ANKRD30A: variants seen among roughly 807,000 people sequenced by gnomAD.
ANKRD30A encodes the protein ankyrin repeat domain-containing protein 30A.
In ANKRD30A, 170 loss-of-function variants were observed where a neutral mutation model predicts 166.3. That is an observed-to-expected ratio of 1.02 (90% CI 0.90 to 1.16). The LOEUF is 1.16. Ranked by LOEUF, ANKRD30A falls within the 50% of genes most tolerant of loss-of-function variation. The probability of loss-of-function intolerance (pLI) is 0.00; values close to 1 mark genes in which losing one functional copy is unlikely to be tolerated. For synonymous variants in ANKRD30A, 564 were observed against 508.9 expected, an observed-to-expected ratio of 1.11 and a Z score of -1.46; for missense variants, 1,630 against 1,518.0, an observed-to-expected ratio of 1.07 and a Z score of -1.23.
chr10:37,238,987 G>C, the ANKRD30A span, among the ~76,000 whole-genome samples: 1 of 152,018 alleles, frequency 6.6e-6, no homozygotes, highest in Non-Finnish European at 1.5e-5. Flanking sequence ...AATGGTGAAG[G>C]CTTTAAGTAT....
intron 5 of ANKRD30A, among the ~76,000 whole-genome samples, chr10:37,135,949 C>T (rs1417967444): frequency 6.6e-6 from 1 of 152,030 alleles, no homozygotes; most frequent in African/African-American, 2.4e-5. Context: ...TGAAGAAACA[C>T]TTTTTTTAAA....
At chr10:37,233,510 A>G (rs1383277383), downstream of ANKRD30A, among the ~76,000 whole-genome samples, 2 of 152,146 alleles carry the variant, frequency 1.3e-5, no homozygotes, top group Non-Finnish European at 2.9e-5. Flanking sequence ...ATTTTCTCTT[A>G]GTTTTTAGCG....
At chr10:37,257,334 T>C in the ANKRD30A span, among the ~76,000 whole-genome samples, 1 of 132,818 alleles carries the variant, frequency 7.5e-6, no homozygotes, top group African/African-American at 2.7e-5. Context: ...GTTAATCTTT[T>C]CAAAAAAAAA....
At chr10:37,192,954 C>T in intron 25 of ANKRD30A, 110 bp from the exon 26 acceptor site, 1 of 1,479,380 alleles carries the variant, frequency 6.8e-7, no homozygotes, top group South Asian at 1.1e-5. Context: ...AGTGTAATCC[C>T]TTTTGCAATC....
At chr10:37,155,852 C>T (rs770690666) in intron 13 of ANKRD30A, among the ~76,000 whole-genome samples, 5 of 152,138 alleles carry the variant, frequency 3.3e-5, no homozygotes, top group South Asian at 2.1e-4. Flanking sequence ...GAGGGCGACG[C>T]GGGCGGATCA....
intron 15 of ANKRD30A, among the ~76,000 whole-genome samples, chr10:37,160,795 T>G (rs1434578187): frequency 6.6e-6 from 1 of 152,180 alleles, no homozygotes; most frequent in Non-Finnish European, 1.5e-5. Context: ...ATATAAATTG[T>G]GAAAATTCTC....
Position 37,126,914 on chromosome 10 carries a change from T to C in ANKRD30A, c.221+906T>C, listed in dbSNP as rs547019673. On this transcript the variant is annotated intron_variant, in intron 1 of 35. Coordinates refer to ENST00000361713, the MANE Select transcript of ANKRD30A (RefSeq NM_052997.3). Reference sequence around the variant, plus strand: ...ATACAAAAATTAGCCGGGCATGATGTCGGGTGCCTGTAATCCCAGCTACTG... The same window carrying C: ...ATACAAAAATTAGCCGGGCATGATGCCGGGTGCCTGTAATCCCAGCTACTG... 4.6e-5 allele frequency among the ~76,000 whole-genome samples: 7 copies of C among 151,438 alleles called. No homozygotes were observed. In the South Asian group the frequency reaches 1.5e-3, roughly 32 times the overall value.
intron 19 of ANKRD30A, among the ~76,000 whole-genome samples, chr10:37,167,553 G>A (rs1181163407): frequency 1.3e-5 from 2 of 151,638 alleles, no homozygotes; most frequent in East Asian, 1.9e-4. Flanking sequence ...CATAGAAAAT[G>A]TTATTAATAT....
chr10:37,221,735 T>A (rs918555207), intron 34 of ANKRD30A, among the ~76,000 whole-genome samples: 9 of 151,420 alleles, frequency 5.9e-5, no homozygotes, highest in Admixed American at 4.6e-4. Context: ...AGCCCACAGG[T>A]TGGGAGACTA....
intron 31 of ANKRD30A, among the ~76,000 whole-genome samples, chr10:37,212,425 G>A (rs542464308): frequency 8.5e-5 from 13 of 152,084 alleles, no homozygotes; most frequent in South Asian, 6.2e-4. Flanking sequence ...AATCAATGTC[G>A]TAAAAATGGC....
At chr10:37,166,171 A>C (rs1839319767) in intron 18 of ANKRD30A, among the ~76,000 whole-genome samples, 1 of 152,140 alleles carries the variant, frequency 6.6e-6, no homozygotes, top group Non-Finnish European at 1.5e-5. Flanking sequence ...GATTTTTAAC[A>C]CTAAACAGTT....
intron 27 of ANKRD30A, among the ~76,000 whole-genome samples, chr10:37,195,628 C>A (rs1348660144): frequency 1.3e-5 from 2 of 152,104 alleles, no homozygotes; most frequent in Non-Finnish European, 2.9e-5. Flanking sequence ...GGTGCGGTGG[C>A]TCACGCCTGT....
At chr10:37,231,191 T>C (rs979375903) in intron 34 of ANKRD30A, among the ~76,000 whole-genome samples, 2 of 152,040 alleles carry the variant, frequency 1.3e-5, no homozygotes, top group African/African-American at 4.8e-5. Context: ...GATGTTTTGA[T>C]ATATTTCTAC....
chr10:37,245,469 T>C, the ANKRD30A span, among the ~76,000 whole-genome samples: 1 of 152,138 alleles, frequency 6.6e-6, no homozygotes, highest in Admixed American at 6.5e-5. Context: ...GTGGGTACAA[T>C]TGGTATCCAT....
chr10:37,197,494 T>C lies in ANKRD30A; in HGVS notation c.2716+14T>C, dbSNP rs770535120. The C allele has an allele frequency of 2.0e-5, 33 of 1,611,934 alleles. No homozygotes were observed. The South Asian group carries it at 2.3e-4, about 11-fold the overall frequency. ...CATTGAGAGCAGGTACATTTTTCAA[T>C]GTAACTATGCGAAGACCAATATTTC... On this transcript the variant is annotated intron_variant, in intron 29 of 35. Transcript: ENST00000361713.
At chr10:37,193,920 C>T (rs1280786316) in intron 27 of ANKRD30A, among the ~76,000 whole-genome samples, 1 of 152,136 alleles carries the variant, frequency 6.6e-6, no homozygotes, top group East Asian at 1.9e-4. Flanking sequence ...ATAGGCCGTG[C>T]ACGGTGGCAC....
chr10:37,126,115 G>A, intron 1 of ANKRD30A, 107 bp downstream of exon 1: 3 of 1,249,770 alleles, frequency 2.4e-6, no homozygotes, highest in East Asian at 2.4e-5. Context: ...GGGAGCAGGT[G>A]GAGGAGTAAC....
chr10:37,159,738 C>A (rs1838699780), intron 15 of ANKRD30A, among the ~76,000 whole-genome samples: 1 of 151,904 alleles, frequency 6.6e-6, no homozygotes, highest in Admixed American at 6.6e-5. Context: ...TGAGATCACC[C>A]AGGCTGGAGT....
chr10:37,243,963 A>T, the ANKRD30A span, among the ~76,000 whole-genome samples: 1 of 152,164 alleles, frequency 6.6e-6, no homozygotes, highest in African/African-American at 2.4e-5. Flanking sequence ...AGAAACAAAC[A>T]GTCACAAATA....
Sources: allele counts gnomAD v4.1 joint callset (sites outside exome capture counted in the v4.1 genomes callset), GRCh38; gene constraint gnomAD v4.1.1; transcripts MANE v1.5; gene names NCBI Gene and HGNC (gene_info 2026-07-23, HGNC 2026-07-21).